NALF1: variants seen among roughly 807,000 people sequenced by gnomAD.
NALF1 encodes family with sequence similarity 155 member A.
Under a neutral mutation model 48.4 loss-of-function variants are expected in NALF1, and 3 were observed. The observed-to-expected ratio is 0.06, with a 90% CI of 0.03 to 0.16. The LOEUF (loss-of-function observed/expected upper bound fraction) is 0.16, where lower values mean the gene tolerates loss of function less well. Among genes scored for constraint, NALF1 ranks in the 10% least tolerant of loss-of-function variants. The pLI, the probability that NALF1 is intolerant of heterozygous loss-of-function variation, is 1.00. For missense variants in NALF1, 526 were observed against 571.5 expected, an observed-to-expected ratio of 0.92 and a Z score of 0.81; for synonymous variants, 262 against 245.7, an observed-to-expected ratio of 1.07 and a Z score of -0.62.
chr13:107,606,301 TG>T (rs1432176806), intron 1 of NALF1, among the ~76,000 whole-genome samples: 1 of 148,822 alleles, frequency 6.7e-6, no homozygotes, highest in Middle Eastern at 3.2e-3. Context: ...TGTGTGTGTA[TG>T]TATACATATA....
intron 1 of NALF1, among the ~76,000 whole-genome samples, chr13:107,828,963 T>C (rs1282448526): frequency 3.3e-5 from 5 of 152,196 alleles, no homozygotes; most frequent in Non-Finnish European, 7.3e-5. Context: ...TTATGTGCAC[T>C]GTTTTATTTT....
At chr13:107,734,579 TA>T (rs1433439342) in intron 1 of NALF1, among the ~76,000 whole-genome samples, 4 of 152,130 alleles carry the variant, frequency 2.6e-5, no homozygotes, top group African/African-American at 9.7e-5. Flanking sequence ...ATCTGTGGCA[TA>T]ATGGAAACAA....
chr13:107,774,308 G>A (rs895778397), intron 1 of NALF1, among the ~76,000 whole-genome samples: 2 of 152,158 alleles, frequency 1.3e-5, no homozygotes, highest in African/African-American at 4.8e-5. Context: ...GCTCTAAACA[G>A]ATTCAAGAAA....
At chr13:107,768,823 G>A (rs1177179279) in intron 1 of NALF1, among the ~76,000 whole-genome samples, 6 of 151,876 alleles carry the variant, frequency 4.0e-5, no homozygotes, top group Admixed American at 3.9e-4. Context: ...AATCTACAAT[G>A]AACTCAAACA....
Position 107,166,005 on chromosome 13 carries a change from GAT to G in NALF1, c.*4490_*4491del, listed in dbSNP as rs1491163150. On this transcript the variant is annotated 3_prime_UTR_variant, in exon 3 of 3. Transcript: ENST00000375915. ...TTTGGTTGAAGTTTTATTTGCAAGC[GAT>G]GTGTGTGTGTGTGTGTGTGTGTGTG... 1.5e-5 allele frequency: 2 copies of G among 132,818 alleles called. No homozygotes were observed. The highest frequency in any genetic ancestry group is 6.3e-5 in the African/African-American group (2 of 31,678). 8.2% of individuals were successfully genotyped at this position (132,818 alleles called of 1,614,324 possible).
At chr13:107,809,343 T>C (rs1228563498) in intron 1 of NALF1, among the ~76,000 whole-genome samples, 2 of 152,108 alleles carry the variant, frequency 1.3e-5, no homozygotes, top group South Asian at 2.1e-4. Context: ...TTTCCAATGA[T>C]GTTCCTACCC....
At chr13:107,780,801 G>T (rs1877866381) in intron 1 of NALF1, among the ~76,000 whole-genome samples, 1 of 152,132 alleles carries the variant, frequency 6.6e-6, no homozygotes, top group South Asian at 2.1e-4. Context: ...TCTGTAAAGT[G>T]CTAGGCAATG....
intron 1 of NALF1, among the ~76,000 whole-genome samples, chr13:107,520,410 C>G (rs570500): frequency 6.6e-6 from 1 of 151,962 alleles, no homozygotes; most frequent in Non-Finnish European, 1.5e-5. Context: ...TGAAGAGCCA[C>G]GATTATTACA....
intron 1 of NALF1, among the ~76,000 whole-genome samples, chr13:107,863,913 T>C (rs888891449): frequency 6.6e-6 from 1 of 152,200 alleles, no homozygotes. Flanking sequence ...TACTGAGTTA[T>C]ACAAATGGAA....
intron 2 of NALF1, among the ~76,000 whole-genome samples, chr13:107,176,063 C>T (rs2138768820): frequency 6.6e-6 from 1 of 152,246 alleles, no homozygotes; most frequent in South Asian, 2.1e-4. Context: ...CTAGGAAAGC[C>T]TACCTACAGA....
intron 1 of NALF1, among the ~76,000 whole-genome samples, chr13:107,416,093 G>C (rs138565485): frequency 9.9e-5 from 15 of 151,090 alleles, no homozygotes; most frequent in African/African-American, 2.9e-4. Context: ...TGCAAGCTCC[G>C]CCTCCTGGGT....
intron 1 of NALF1, among the ~76,000 whole-genome samples, chr13:107,691,743 C>G (rs1881573791): frequency 1.3e-5 from 2 of 151,972 alleles, no homozygotes; most frequent in African/African-American, 4.8e-5. Context: ...AAATAATAGT[C>G]AAGAAGAGTC....
intron 1 of NALF1, among the ~76,000 whole-genome samples, chr13:107,509,257 A>C (rs1219705753): frequency 1.3e-5 from 2 of 152,150 alleles, no homozygotes; most frequent in Non-Finnish European, 2.9e-5. Flanking sequence ...CAAACACACC[A>C]GTCTTGGAAA....
intron 1 of NALF1, among the ~76,000 whole-genome samples, chr13:107,718,700 A>G (rs967169908): frequency 4.6e-5 from 7 of 152,188 alleles, no homozygotes; most frequent in Non-Finnish European, 8.8e-5. Flanking sequence ...CTGGGTTTCA[A>G]TGGACTTACT....
intron 1 of NALF1, among the ~76,000 whole-genome samples, chr13:107,425,672 G>C (rs553770972): frequency 9.9e-5 from 15 of 152,064 alleles, no homozygotes; most frequent in African/African-American, 3.6e-4. Context: ...TCTCTACTAT[G>C]ATTTGGAAAT....
In NALF1 at chr13:107,334,255, GA is replaced by G. The variant is rs1363061477; in HGVS notation, c.916-123501del. Reference sequence around the variant, plus strand: ...TAACCTGGGGTGCTCTTCCTAAACAGAAACCCCAGAATATGATTATAAAAAA... The same window carrying G: ...TAACCTGGGGTGCTCTTCCTAAACAGAACCCCAGAATATGATTATAAAAAA... On this transcript the variant is annotated intron_variant, in intron 1 of 2. Transcript: ENST00000375915. 5.9e-5 allele frequency among the ~76,000 whole-genome samples: 9 copies of G among 152,130 alleles called. No homozygotes were observed. In the East Asian group the frequency reaches 1.3e-3, roughly 23 times the overall value.
At chr13:107,513,723 A>C (rs1030180851) in intron 1 of NALF1, among the ~76,000 whole-genome samples, 1 of 152,210 alleles carries the variant, frequency 6.6e-6, no homozygotes, top group Non-Finnish European at 1.5e-5. Flanking sequence ...GGCTGAAAGC[A>C]CATGAAGGGA....
At chr13:107,411,817 C>T (rs1414258305) in intron 1 of NALF1, among the ~76,000 whole-genome samples, 1 of 151,984 alleles carries the variant, frequency 6.6e-6, no homozygotes, top group Non-Finnish European at 1.5e-5. Context: ...GACCAGGACC[C>T]GGTAAATGGG....
At chr13:107,358,169 T>C (rs914554584) in intron 1 of NALF1, among the ~76,000 whole-genome samples, 8 of 41,480 alleles carry the variant, frequency 1.9e-4, no homozygotes, top group Middle Eastern at 0.02. Flanking sequence ...ACGTAACATA[T>C]GTGTGTGTGT....
Sources: gnomAD v4.1 joint callset for allele counts (sites outside exome capture counted in the v4.1 genomes callset) on GRCh38, gnomAD v4.1.1 for gene constraint, MANE v1.5 for transcripts, NCBI Gene and HGNC (gene_info 2026-07-23, HGNC 2026-07-21) for gene names.